The following USP43 variants were observed in gnomAD, a reference collection of about 807,000 sequenced individuals.
USP43 encodes the protein ubiquitin specific peptidase 43.
A neutral mutation model predicts 90.7 loss-of-function variants in USP43; 33 were observed. The observed-to-expected ratio is 0.36, with a 90% CI of 0.28 to 0.49. The LOEUF (loss-of-function observed/expected upper bound fraction) is 0.49. Among genes scored for constraint, USP43 ranks in the 20% least tolerant of loss-of-function variants. USP43 has a pLI of 0.98. For synonymous variants in USP43, 598 were observed against 615.8 expected (o/e 0.97, Z 0.43); for missense variants, 1,274 against 1,476.4 (o/e 0.86, Z 2.25).
intron 3 of USP43, among the ~76,000 whole-genome samples, chr17:9,671,339 A>C (rs1913423935): frequency 1.3e-5 from 2 of 152,126 alleles, no homozygotes; most frequent in African/African-American, 4.8e-5. Flanking sequence ...TTATCCACAG[A>C]AAGTCTAAGG....
intron 12 of USP43, among the ~76,000 whole-genome samples, chr17:9,707,888 G>A (rs920269964): frequency 2.0e-5 from 3 of 152,032 alleles, no homozygotes; most frequent in Non-Finnish European, 4.4e-5. Flanking sequence ...TGCCCTCATG[G>A]GACTTCAGTC....
intron 14 of USP43, among the ~76,000 whole-genome samples, chr17:9,724,595 A>G (rs1033222267): frequency 3.9e-5 from 6 of 152,140 alleles, no homozygotes; most frequent in Non-Finnish European, 7.4e-5. Flanking sequence ...CAGGAGAATC[A>G]CTTGAATCCG....
intron 9 of USP43, among the ~76,000 whole-genome samples, chr17:9,695,433 A>G (rs978375250): frequency 6.6e-6 from 1 of 152,046 alleles, no homozygotes; most frequent in African/African-American, 2.4e-5. Context: ...TCCTGGGTTC[A>G]AGCAATTCTC....
At position 9,701,104 on chromosome 17, in the gene USP43, G is replaced by GTCCT; in HGVS notation, c.1536-14_1536-11dup. On this transcript the variant is annotated splice_polypyrimidine_tract_variant and intron_variant, in intron 10 of 14. Transcript: ENST00000285199. The surrounding 1 kb of genome is among the most constrained non-coding windows in gnomAD (Gnocchi z 7.2). ...CAGGAAAGTCCTGAACGCCGTGGGT[G>GTCCT]TCCTCTCCGTGCAGCCTGTTCGGGA... The GTCCT allele has an allele frequency of 6.9e-7, 1 of 1,452,956 alleles. No individual in the cohort carries two copies. Among genetic ancestry groups the GTCCT allele is most frequent in the Non-Finnish European group, 9.1e-7 (1 of 1,099,372 alleles). 90.0% of individuals were successfully genotyped at this position (1,452,956 alleles called of 1,614,324 possible).
intron 3 of USP43, among the ~76,000 whole-genome samples, chr17:9,671,592 C>T (rs935638654): frequency 1.3e-5 from 2 of 152,132 alleles, no homozygotes; most frequent in Non-Finnish European, 2.9e-5. Flanking sequence ...AAAAGCAAAC[C>T]GCAGCCCTGA....
Position 9,656,456 on chromosome 17 carries a change from CCTGGAATTCCTGCT to C in USP43, c.563_576del (p.Glu188ValfsTer7). On this transcript the variant is annotated frameshift_variant, in exon 2 of 15. Coordinates refer to ENST00000285199, the MANE Select transcript of USP43 (RefSeq NM_153210.5). LOFTEE classifies it high-confidence loss of function. ...TCCAAGGCAATTCCCAGCACGACGC[CCTGGAATTCCTGCT>C]CTGGTTGCTGGATCGTGTACATGAG... is the stretch of plus-strand genomic sequence containing the variant. 1 of 1,610,502 alleles carries C rather than the reference CCTGGAATTCCTGCT, an allele frequency of 6.2e-7. No homozygotes were observed. The highest frequency in any genetic ancestry group is 8.5e-7 in the Non-Finnish European group (1 of 1,178,516).
Position 9,676,804 on chromosome 17 carries a change from C to T in USP43, c.892C>T (p.Leu298=), listed in dbSNP as rs1913815267. The change falls in exon 5 of 15, where the codon CTG becomes TTG. Residue 298 remains leucine, a synonymous_variant. Transcript: ENST00000285199. ...SKSQRFLRVG[L]AVPILSTVAA... ...GAGCCAGCGGTTCCTGCGGGTTGGC[C>T]TGGCCGTGCCGATCCTCAGCACAGT... 1.9e-6 allele frequency: 3 copies of T among 1,613,976 alleles called. No homozygotes were observed. Among genetic ancestry groups the T allele is most frequent in the African/African-American group, 1.3e-5 (1 of 75,046 alleles).
At chr17:9,708,157 C>T (rs537733483) in intron 12 of USP43, among the ~76,000 whole-genome samples, 2 of 152,284 alleles carry the variant, frequency 1.3e-5, no homozygotes, top group African/African-American at 2.4e-5. Context: ...ATGATGACAG[C>T]CTGGATGAAG....
intron 14 of USP43, among the ~76,000 whole-genome samples, chr17:9,723,980 G>A (rs1315990465): frequency 6.6e-6 from 1 of 152,110 alleles, no homozygotes; most frequent in East Asian, 1.9e-4. Context: ...TCCTTGAGAT[G>A]CAAGTTTGTT....
At chr17:9,650,506 G>A (rs1911779816) in intron 1 of USP43, among the ~76,000 whole-genome samples, 3 of 152,092 alleles carry the variant, frequency 2.0e-5, no homozygotes, top group African/African-American at 4.8e-5. Flanking sequence ...GGGTTCAGGC[G>A]ATTCTCCTGC....
At chr17:9,715,096 G>A (rs1040928913) in intron 14 of USP43, among the ~76,000 whole-genome samples, 6 of 152,188 alleles carry the variant, frequency 3.9e-5, no homozygotes, top group Admixed American at 6.5e-5. Context: ...TAGTAGAGAC[G>A]CATTCAGATG....
chr17:9,656,774 T>G (rs1378641618), intron 2 of USP43, among the ~76,000 whole-genome samples: 1 of 152,218 alleles, frequency 6.6e-6, no homozygotes, highest in Non-Finnish European at 1.5e-5. Context: ...TGAATAGAGT[T>G]TCATTTTGGC....
At position 9,728,424 on chromosome 17, in the gene USP43, A is replaced by G; in HGVS notation, c.2806A>G (p.Met936Val). The G allele has an allele frequency of 6.2e-7, 1 of 1,611,324 alleles. No homozygotes were observed. The highest frequency in any genetic ancestry group is 8.5e-7 in the Non-Finnish European group (1 of 1,178,768). ...PRKFDLPLTV[M>V]PSVEHEKPAR... is the part of the protein sequence containing the mutation. Reference sequence around the variant, plus strand: ...AAAGTTTGACCTGCCTCTCACTGTGATGCCTTCAGTGGAGCATGAGAAACC... The same window carrying G: ...AAAGTTTGACCTGCCTCTCACTGTGGTGCCTTCAGTGGAGCATGAGAAACC... Residue 936 changes from methionine (M) to valine (V), a missense_variant, in exon 15 of 15, where the codon ATG (methionine) becomes GTG (valine). Transcript: ENST00000285199. This position sits in a 1 kb window ranked among gnomAD's most constrained non-coding sequence, Gnocchi z 6.2.
chr17:9,708,364 C>T (rs1916005586), intron 12 of USP43, among the ~76,000 whole-genome samples: 2 of 152,078 alleles, frequency 1.3e-5, no homozygotes, highest in Admixed American at 1.3e-4. Flanking sequence ...TAGAAGGGAT[C>T]TAGAGTGGAA....
intron 4 of USP43, 80 bp from the exon 5 acceptor site, chr17:9,676,666 C>G: frequency 1.1e-5 from 17 of 1,517,352 alleles, no homozygotes; most frequent in Non-Finnish European, 1.5e-5. Flanking sequence ...GCCACTGCGC[C>G]TGGCCTTGAT....
At chr17:9,671,906 C>T (rs186757429) in intron 3 of USP43, among the ~76,000 whole-genome samples, 2 of 152,214 alleles carry the variant, frequency 1.3e-5, no homozygotes, top group Non-Finnish European at 2.9e-5. Context: ...TCACATCAGT[C>T]TGTCCTGATT....
chr17:9,683,020 G>C (rs1914395767), intron 7 of USP43, 62 bp downstream of exon 7: 3 of 1,571,038 alleles, frequency 1.9e-6, no homozygotes, highest in Non-Finnish European at 2.6e-6. Flanking sequence ...GTACTTGGGA[G>C]CCTGTCTAGA....
chr17:9,646,079 G>T lies in USP43; in HGVS notation c.447G>T (p.Ala149=). The T allele has an allele frequency of 8.0e-6, 12 of 1,506,200 alleles. No individual in the cohort carries two copies. The highest frequency in any genetic ancestry group is 1.1e-5 in the Non-Finnish European group (12 of 1,128,044). The allele number at this position is 1,506,200 out of a possible 1,614,324, so 93.3% of individuals were successfully genotyped here. Reference sequence around the variant, plus strand: ...CCGAGGTCACCGAGCAGCTGGCGGCGCTGGTGCGCGCGCTCTGGACTCGCG... The same window carrying T: ...CCGAGGTCACCGAGCAGCTGGCGGCTCTGGTGCGCGCGCTCTGGACTCGCG... ...GRAEVTEQLA[A]LVRALWTREY... The change falls in exon 1 of 15, where the codon GCG becomes GCT. Residue 149 remains alanine (A), a synonymous_variant. Coordinates refer to ENST00000285199, the MANE Select transcript of USP43 (RefSeq NM_153210.5).
At chr17:9,727,818 A>T in intron 14 of USP43, 136 bp from the exon 15 acceptor site, 1 of 935,542 alleles carries the variant, frequency 1.1e-6, no homozygotes, top group Non-Finnish European at 1.6e-6. Flanking sequence ...CAGGAACCCT[A>T]TGTGGCTTCT....
Sources: allele counts gnomAD v4.1 joint callset (sites outside exome capture counted in the v4.1 genomes callset), GRCh38; gene constraint gnomAD v4.1.1; non-coding constraint Gnocchi (gnomAD v3.1); transcripts MANE v1.5; gene names NCBI Gene and HGNC (gene_info 2026-07-23, HGNC 2026-07-21).